GRB10: variants seen among roughly 807,000 people sequenced by gnomAD.
The protein encoded by GRB10 is growth factor receptor bound protein 10.
GRB10 carries 20 observed loss-of-function variants against 80.9 expected under a neutral mutation model. The observed-to-expected ratio is 0.25, with a 90% confidence interval of 0.17 to 0.36. GRB10 has a LOEUF of 0.36. Ranked by LOEUF, GRB10 falls within the 10% of genes least tolerant of loss-of-function variation. The pLI is 1.00. For synonymous variants in GRB10, 291 were observed against 291.5 expected (o/e 1.00, Z 0.02); for missense variants, 548 against 747.7 (o/e 0.73, Z 3.12).
chr7:50,724,121 C>A (rs544659169), intron 4 of GRB10, among the ~76,000 whole-genome samples: 1 of 152,312 alleles, frequency 6.6e-6, no homozygotes, highest in African/African-American at 2.4e-5. Context: ...TCACCATGCA[C>A]AAATGACACA....
At chr7:50,787,355 A>C (rs1338651818), upstream of GRB10, among the ~76,000 whole-genome samples, 1 of 152,240 alleles carries the variant, frequency 6.6e-6, no homozygotes, top group African/African-American at 2.4e-5. Flanking sequence ...TACGTACAGA[A>C]AAAAATCTGC....
rs746129413 is a variant in GRB10, at chr7:50,614,785, G to A, written c.1080C>T (p.His360=). Residue 360 remains histidine, a synonymous_variant, in exon 12 of 19, where the codon CAC becomes CAT. Coordinates refer to ENST00000401949, the MANE Select transcript of GRB10 (RefSeq NM_001350814.2). The part of the protein sequence containing the change: ...GRKQYNAPTD[H]GLCIKPNKVR... ...TCGTGGGTACCTTTATGCAGAGCCC[G>A]TGGTCTGTAGGGGCGTTGTACTGCT... 54 of 1,612,354 alleles carry A rather than the reference G, an allele frequency of 3.3e-5. No individual in the cohort carries two copies. Among genetic ancestry groups the A allele is most frequent in the Non-Finnish European group, 4.2e-5 (49 of 1,178,546 alleles).
chr7:50,643,024 A>G (rs1037170290), intron 7 of GRB10, among the ~76,000 whole-genome samples: 3 of 152,236 alleles, frequency 2.0e-5, no homozygotes, highest in African/African-American at 7.2e-5. Context: ...TACAAAAGGA[A>G]AATACATTTG....
At chr7:50,619,609 G>T (rs2051292185) in intron 8 of GRB10, among the ~76,000 whole-genome samples, 1 of 152,260 alleles carries the variant, frequency 6.6e-6, no homozygotes, top group East Asian at 1.9e-4. Context: ...TTCAACTCTT[G>T]TAAAGACTAT....
chr7:50,745,231 G>A (rs146042914), intron 3 of GRB10, among the ~76,000 whole-genome samples: 228 of 152,094 alleles, frequency 1.5e-3, no homozygotes, highest in African/African-American at 4.3e-3. Flanking sequence ...TTTGCAATGC[G>A]TATTACTTAA....
At chr7:50,694,100 G>C (rs1191753846) in intron 5 of GRB10, among the ~76,000 whole-genome samples, 1 of 152,122 alleles carries the variant, frequency 6.6e-6, no homozygotes, top group Admixed American at 6.5e-5. Flanking sequence ...AGCACGGACA[G>C]ATCACCCAAA....
chr7:50,650,105 G>C (rs1340054713), intron 7 of GRB10, among the ~76,000 whole-genome samples: 2 of 152,164 alleles, frequency 1.3e-5, no homozygotes, highest in African/African-American at 4.8e-5. Context: ...CAGCCTGGCA[G>C]AGCAGGAGAC....
intron 4 of GRB10, among the ~76,000 whole-genome samples, chr7:50,714,167 C>T (rs1056359631): frequency 6.6e-6 from 1 of 152,134 alleles, no homozygotes; most frequent in African/African-American, 2.4e-5. Flanking sequence ...CATGTATTAA[C>T]ATAATATTAA....
In GRB10 at chr7:50,591,357, G is replaced by C. The variant is rs2045825695; in HGVS notation, c.*1595C>G. ...GCTCTAGGCTACGGGGGTTGACTGA[G>C]GAGCAGAGAAATGCTGTTCCTTAGG... On this transcript the variant is annotated 3_prime_UTR_variant, in exon 19 of 19. Transcript: ENST00000401949. The C allele has an allele frequency of 6.6e-6, 1 of 152,256 alleles. No homozygotes were observed. The highest frequency in any genetic ancestry group is 2.4e-5 in the African/African-American group (1 of 41,442). 9.4% of individuals were successfully genotyped at this position (152,256 alleles called of 1,614,324 possible).
chr7:50,753,802 G>A (rs1428322360), intron 3 of GRB10, among the ~76,000 whole-genome samples: 2 of 152,240 alleles, frequency 1.3e-5, no homozygotes, highest in Non-Finnish European at 2.9e-5. Context: ...CAGGCAATTG[G>A]AATGCAGAGG....
intron 8 of GRB10, among the ~76,000 whole-genome samples, chr7:50,626,230 A>G (rs898548473): frequency 1.3e-4 from 20 of 152,248 alleles, no homozygotes; most frequent in Non-Finnish European, 1.8e-4. Context: ...TAGGCATGAC[A>G]TGGGCACACA....
At chr7:50,641,246 A>G (rs1038713715) in intron 7 of GRB10, among the ~76,000 whole-genome samples, 1 of 148,966 alleles carries the variant, frequency 6.7e-6, no homozygotes, top group African/African-American at 2.5e-5. Flanking sequence ...CATCACTTCT[A>G]CTATGCTTGA....
intron 4 of GRB10, among the ~76,000 whole-genome samples, chr7:50,721,822 G>C (rs1295227901): frequency 1.3e-5 from 2 of 152,226 alleles, no homozygotes; most frequent in African/African-American, 4.8e-5. Context: ...GGGAGGCCCA[G>C]GACTGGCTGC....
At chr7:50,617,176 C>T (rs78742381) in intron 10 of GRB10, among the ~76,000 whole-genome samples, 4,868 of 152,248 alleles carry the variant, frequency 0.032, 275 homozygotes, top group African/African-American at 0.11. Context: ...TGACACCTCT[C>T]GCCAGAACAG....
Position 50,674,491 on chromosome 7 carries a change from C to A in GRB10, c.307G>T (p.Val103Leu). Residue 103 changes from valine (V) to leucine (L), a missense_variant, in exon 6 of 19, where the codon GTG becomes TTG. Around this residue, in one of 4 missense-constraint regions of GRB10, gnomAD observed 245 missense variants for 229.3 expected, o/e 1.07. Transcript: ENST00000401949. ...SGPPRSIQPQ[V>L]SPRQRVQRSQ... is the part of the protein sequence containing the mutation. The stretch of plus-strand genomic sequence containing the variant: ...CGCTGCACCCTCTGCCTCGGGGACA[C>A]CTGTGGCTGGATGGACCGAGGAGGG... 6.2e-7 allele frequency: 1 copy of A among 1,609,048 alleles called. No individual in the cohort carries two copies. The highest frequency in any genetic ancestry group is 8.5e-7 in the Non-Finnish European group (1 of 1,180,002).
Position 50,703,863 on chromosome 7 carries a change from G to C in GRB10, c.97C>G (p.Pro33Ala). 6.2e-7 allele frequency: 1 copy of C among 1,613,508 alleles called. No homozygotes were observed. Among genetic ancestry groups the C allele is most frequent in the East Asian group, 2.2e-5 (1 of 44,862 alleles). Reference protein sequence around the residue: ...TPRSQQDPAGPGLPAQSDRLA... With the variant: ...TPRSQQDPAGAGLPAQSDRLA... Reference sequence around the variant, plus strand: ...CGGTCAGACTGTGCGGGGAGTCCTGGTCCTGCCGGGTCTTGTTGACTGCGA... The same window carrying C: ...CGGTCAGACTGTGCGGGGAGTCCTGCTCCTGCCGGGTCTTGTTGACTGCGA... Residue 33 changes from proline to alanine, a missense_variant, in exon 5 of 19, where the codon CCA becomes GCA. Coordinates refer to ENST00000401949, the MANE Select transcript of GRB10 (RefSeq NM_001350814.2).
chr7:50,610,531 G>T (rs886541220), intron 13 of GRB10, among the ~76,000 whole-genome samples: 2 of 152,152 alleles, frequency 1.3e-5, no homozygotes, highest in Non-Finnish European at 2.9e-5. Flanking sequence ...CAGAACTCAC[G>T]GCAGCTTCCA....
At chr7:50,628,356 G>A (rs1563208996) in intron 7 of GRB10, among the ~76,000 whole-genome samples, 1 of 152,170 alleles carries the variant, frequency 6.6e-6, no homozygotes, top group Non-Finnish European at 1.5e-5. Flanking sequence ...GTGTTTGGAA[G>A]GGGGTGCTTA....
At chr7:50,637,738 G>A (rs895421832) in intron 7 of GRB10, among the ~76,000 whole-genome samples, 1 of 149,844 alleles carries the variant, frequency 6.7e-6, no homozygotes, top group Non-Finnish European at 1.5e-5. Context: ...AAAAGAGCTT[G>A]AATAGCCACA....
Sources: gnomAD v4.1 joint callset for allele counts (sites outside exome capture counted in the v4.1 genomes callset) on GRCh38, gnomAD v4.1.1 for gene constraint, gnomAD v4.1.1 regional missense constraint, MANE v1.5 for transcripts, NCBI Gene and HGNC (gene_info 2026-07-23, HGNC 2026-07-21) for gene names.